Variants in CACNB4 observed in about 807,000 individuals in gnomAD.
CACNB4 encodes voltage-dependent L-type calcium channel subunit beta-4.
Under a neutral mutation model 71.2 loss-of-function variants are expected in CACNB4, and 32 were observed. The ratio of observed to expected loss-of-function variants is 0.45; its 90% confidence interval spans 0.34 to 0.60. The LOEUF is 0.60. Ranked by LOEUF, CACNB4 falls within the 20% of genes least tolerant of loss-of-function variation. The pLI, the probability that CACNB4 is intolerant of heterozygous loss-of-function variation, is 0.01. For synonymous variants in CACNB4, 231 were observed against 236.9 expected (o/e 0.97, Z 0.23); for missense variants, 464 against 647.9 (o/e 0.72, Z 3.08).
At chr2:151,940,069 T>C (rs745837604) in intron 2 of CACNB4, among the ~76,000 whole-genome samples, 2 of 152,236 alleles carry the variant, frequency 1.3e-5, no homozygotes, top group Non-Finnish European at 2.9e-5. Context: ...TAATGATTCT[T>C]AGTTTATCTA....
intron 2 of CACNB4, chr2:151,973,936 A>G: frequency 7.7e-7 from 1 of 1,301,300 alleles, no homozygotes; most frequent in Non-Finnish European, 9.7e-7. Context: ...CCCAATACAG[A>G]GCACAAAAAG....
In CACNB4 at chr2:151,883,562, T is replaced by G. The variant is rs374931288; in HGVS notation, c.148-192A>C. The G allele has an allele frequency of 5.0e-6, 3 of 598,688 alleles. No homozygotes were observed. The East Asian group carries it at 8.9e-5, about 18-fold the overall frequency. 37.1% of individuals were successfully genotyped at this position (598,688 alleles called of 1,614,324 possible). A position where few individuals can be genotyped will look rare whatever the true frequency, so the allele number is the denominator to read the frequency against. On this transcript the variant is annotated intron_variant, in intron 2 of 13. Transcript: ENST00000539935. ...TGAGTTATTCGGAAAGTAGCAATGT[T>G]GTGAAGAAAAATATTTTGACTAGAT... is the stretch of plus-strand genomic sequence containing the variant.
chr2:151,996,424 C>T (rs1682047138), intron 2 of CACNB4, among the ~76,000 whole-genome samples: 1 of 150,730 alleles, frequency 6.6e-6, no homozygotes, highest in South Asian at 2.1e-4. Flanking sequence ...CTGCAGTGAG[C>T]TGTGATCACG....
At chr2:151,987,693 T>C (rs1378002071) in intron 2 of CACNB4, among the ~76,000 whole-genome samples, 1 of 152,168 alleles carries the variant, frequency 6.6e-6, no homozygotes, top group East Asian at 1.9e-4. Flanking sequence ...ATGCCAGCAC[T>C]TTCCCTCCTC....
At chr2:151,891,697 A>C (rs1204218134) in intron 2 of CACNB4, among the ~76,000 whole-genome samples, 1 of 152,212 alleles carries the variant, frequency 6.6e-6, no homozygotes, top group East Asian at 1.9e-4. Context: ...GAAAACACCC[A>C]TGATCATTTT....
At chr2:151,931,515 C>G (rs1052672423) in intron 2 of CACNB4, among the ~76,000 whole-genome samples, 2 of 152,146 alleles carry the variant, frequency 1.3e-5, no homozygotes, top group African/African-American at 4.8e-5. Context: ...ATGGCAACAT[C>G]AAATTCATGA....
chr2:152,044,419 C>A (rs1256237079), intron 2 of CACNB4, among the ~76,000 whole-genome samples: 1 of 152,038 alleles, frequency 6.6e-6, no homozygotes, highest in African/African-American at 2.4e-5. Flanking sequence ...GGGGTTTCAC[C>A]ATGTTGGTCA....
intron 2 of CACNB4, among the ~76,000 whole-genome samples, chr2:151,965,055 C>G (rs549219512): frequency 1.3e-5 from 2 of 152,354 alleles, no homozygotes; most frequent in Admixed American, 1.3e-4. Flanking sequence ...AATTCTATCA[C>G]TTGGATCAAT....
At chr2:151,864,484 G>A (rs556512389) in intron 9 of CACNB4, among the ~76,000 whole-genome samples, 1 of 152,322 alleles carries the variant, frequency 6.6e-6, no homozygotes, top group African/African-American at 2.4e-5. Flanking sequence ...CGTAACAGCT[G>A]TAAGATCTGT....
At chr2:151,966,693 G>C (rs951807977) in intron 2 of CACNB4, among the ~76,000 whole-genome samples, 1 of 152,136 alleles carries the variant, frequency 6.6e-6, no homozygotes, top group Non-Finnish European at 1.5e-5. Flanking sequence ...ACCACTATAA[G>C]ATTGTTGGAA....
At chr2:151,940,561 G>C (rs916834189) in intron 2 of CACNB4, among the ~76,000 whole-genome samples, 4 of 152,200 alleles carry the variant, frequency 2.6e-5, no homozygotes, top group African/African-American at 7.2e-5. Flanking sequence ...GGGAGGTTCA[G>C]GATTGAATTT....
At chr2:152,077,582 G>A (rs1167879831) in intron 2 of CACNB4, among the ~76,000 whole-genome samples, 2 of 151,772 alleles carry the variant, frequency 1.3e-5, no homozygotes, top group Non-Finnish European at 2.9e-5. Context: ...ATACAAAAAT[G>A]AGTCACACGT....
At chr2:151,887,517 G>C (rs1331983859) in intron 2 of CACNB4, among the ~76,000 whole-genome samples, 1 of 152,068 alleles carries the variant, frequency 6.6e-6, no homozygotes, top group African/African-American at 2.4e-5. Flanking sequence ...AATGCAGATA[G>C]TAACACTGGA....
intron 2 of CACNB4, among the ~76,000 whole-genome samples, chr2:151,983,689 A>ACACG (rs1172285787): frequency 6.6e-6 from 1 of 151,864 alleles, no homozygotes; most frequent in Non-Finnish European, 1.5e-5. Context: ...ACACACACAC[A>ACACG]CACACACACA....
chr2:152,048,713 C>T (rs1685261314), intron 2 of CACNB4: 1 of 152,290 alleles, frequency 6.6e-6, no homozygotes, highest in South Asian at 2.1e-4. Context: ...TCTAGTCCAG[C>T]CTTGCAGTCC....
chr2:151,920,047 A>G (rs189065377), intron 2 of CACNB4, among the ~76,000 whole-genome samples: 3 of 152,244 alleles, frequency 2.0e-5, no homozygotes, highest in Admixed American at 2.0e-4. Flanking sequence ...AGCTCCTCCT[A>G]TATGTTTGTT....
At chr2:151,843,635 G>A (rs944110489) in intron 12 of CACNB4, among the ~76,000 whole-genome samples, 4 of 152,092 alleles carry the variant, frequency 2.6e-5, no homozygotes, top group Non-Finnish European at 5.9e-5. Flanking sequence ...ACTTTCAATA[G>A]TAGGATTGAC....
chr2:152,057,776 A>G (rs1033350001), intron 2 of CACNB4, among the ~76,000 whole-genome samples: 2 of 152,228 alleles, frequency 1.3e-5, no homozygotes, highest in African/African-American at 2.4e-5. Flanking sequence ...GTACACTGAC[A>G]AAGTCCCATT....
At chr2:152,037,968 G>A (rs1209479080) in intron 2 of CACNB4, among the ~76,000 whole-genome samples, 1 of 152,176 alleles carries the variant, frequency 6.6e-6, no homozygotes, top group Non-Finnish European at 1.5e-5. Context: ...GATGCAGAAG[G>A]GAACCACCCC....
Sources: gnomAD v4.1 joint callset for allele counts (sites outside exome capture counted in the v4.1 genomes callset) on GRCh38, gnomAD v4.1.1 for gene constraint, MANE v1.5 for transcripts, NCBI Gene and HGNC (gene_info 2026-07-23, HGNC 2026-07-21) for gene names.